SERAC1: variants seen among roughly 807,000 people sequenced by gnomAD.
SERAC1 encodes the protein protein SERAC1.
Under a neutral mutation model 85.7 loss-of-function variants are expected in SERAC1, and 36 were observed. The ratio of observed to expected loss-of-function variants is 0.42; its 90% CI spans 0.32 to 0.55. The LOEUF (loss-of-function observed/expected upper bound fraction) is 0.55. Among genes scored for constraint, SERAC1 ranks in the 20% least tolerant of loss-of-function variants. The pLI is 0.11. For missense variants in SERAC1, 629 were observed against 796.2 expected, an observed-to-expected ratio of 0.79 and a Z score of 2.53; for synonymous variants, 242 against 265.3, an observed-to-expected ratio of 0.91 and a Z score of 0.85.
intron 1 of SERAC1, among the ~76,000 whole-genome samples, chr6:158,165,495 C>T (rs1785578604): frequency 6.6e-6 from 1 of 152,126 alleles, no homozygotes; most frequent in Non-Finnish European, 1.5e-5. Flanking sequence ...CAGAGTACCT[C>T]TAGCTACGAT....
chr6:158,114,686 AAT>A, intron 15 of SERAC1, 101 bp downstream of exon 15: 1 of 452,946 alleles, frequency 2.2e-6, no homozygotes, highest in Non-Finnish European at 3.0e-6. Flanking sequence ...ATTATATACA[AAT>A]TATAAAATGA....
intron 15 of SERAC1, 132 bp from the exon 16 acceptor site, chr6:158,113,724 T>A: frequency 1.3e-6 from 1 of 796,506 alleles, no homozygotes; most frequent in Non-Finnish European, 1.9e-6. Flanking sequence ...ACATGTTTAT[T>A]TTCTCCCCTG....
chr6:158,124,437 ACAC>A (rs1784489505), intron 10 of SERAC1, among the ~76,000 whole-genome samples: 1 of 152,180 alleles, frequency 6.6e-6, no homozygotes, highest in Admixed American at 6.5e-5. Context: ...TTGATCAAAA[ACAC>A]CAACCCATCA....
At chr6:158,115,971 T>C (rs1227669982) in intron 14 of SERAC1, among the ~76,000 whole-genome samples, 1 of 152,244 alleles carries the variant, frequency 6.6e-6, no homozygotes, top group Non-Finnish European at 1.5e-5. Context: ...TCTTAGATGA[T>C]TTGTAACAGG....
At chr6:158,131,821 C>A (rs2128416381) in intron 8 of SERAC1, among the ~76,000 whole-genome samples, 1 of 152,238 alleles carries the variant, frequency 6.6e-6, no homozygotes, top group African/African-American at 2.4e-5. Context: ...GACTGAAAAC[C>A]AGCTAATATT....
At chr6:158,142,766 C>T (rs550209964) in intron 8 of SERAC1, among the ~76,000 whole-genome samples, 9 of 152,288 alleles carry the variant, frequency 5.9e-5, no homozygotes, top group East Asian at 3.9e-4. Context: ...TGAGCCACTG[C>T]GCCCGGCCCT....
At chr6:158,144,241 G>A in intron 7 of SERAC1, 58 bp downstream of exon 7, 1 of 1,370,350 alleles carries the variant, frequency 7.3e-7, no homozygotes, top group East Asian at 2.4e-5. Context: ...CCCAAGTGAA[G>A]ATAATATATT....
chr6:158,158,405 C>A (rs1324490486), intron 1 of SERAC1, 41 bp from the exon 2 acceptor site: 1 of 1,476,574 alleles, frequency 6.8e-7, no homozygotes, highest in African/African-American at 1.4e-5. Flanking sequence ...AATTTAGCAT[C>A]TAAATCAAAA....
At chr6:158,156,596 T>C (rs1050783018) in intron 2 of SERAC1, among the ~76,000 whole-genome samples, 8 of 151,566 alleles carry the variant, frequency 5.3e-5, no homozygotes, top group Non-Finnish European at 8.8e-5. Context: ...CCTTGGCTTA[T>C]TATTATGTAA....
At position 158,117,484 on chromosome 6, in the gene SERAC1, G is replaced by A. The variant is rs1427548671; in HGVS notation, c.1403+243C>T. 3 of 1,544,864 alleles carry A rather than the reference G, an allele frequency of 1.9e-6. No individual in the cohort carries two copies. In the African/African-American group the frequency reaches 4.1e-5, roughly 21 times the overall value. On this transcript the variant is annotated intron_variant, in intron 13 of 16. Coordinates refer to ENST00000647468, the MANE Select transcript of SERAC1 (RefSeq NM_032861.4). The surrounding 1 kb of genome is among the most constrained non-coding windows in gnomAD (Gnocchi z 4.3). ...GACAATCCACGATCCTTCACTATTAGAACAGTTGTAAATAAACCATGTTAG... is the reference window on the plus strand; with the variant it reads ...GACAATCCACGATCCTTCACTATTAAAACAGTTGTAAATAAACCATGTTAG...
rs192193948 is a variant in SERAC1, at chr6:158,161,563, T to G, written c.-1-3199A>C. ...AAATAATAGCAAAGAAGTTTAAGAATGTGCTCTGTAGGACCACACTGCCTG... is the reference window on the plus strand; with the variant it reads ...AAATAATAGCAAAGAAGTTTAAGAAGGTGCTCTGTAGGACCACACTGCCTG... On this transcript the variant is annotated intron_variant, in intron 1 of 16. Coordinates refer to ENST00000647468, the MANE Select transcript of SERAC1 (RefSeq NM_032861.4). 9 of 152,186 alleles carry G rather than the reference T, an allele frequency of 5.9e-5. No homozygotes were observed. In the South Asian group the frequency reaches 1.0e-3, roughly 18 times the overall value. 9.4% of individuals were successfully genotyped at this position (152,186 alleles called of 1,614,324 possible). A position where few individuals can be genotyped will look rare whatever the true frequency, so the allele number is the denominator to read the frequency against.
chr6:158,166,973 C>G (rs1199332584), intron 1 of SERAC1, among the ~76,000 whole-genome samples: 1 of 151,816 alleles, frequency 6.6e-6, no homozygotes, highest in African/African-American at 2.4e-5. Context: ...TCCCAAGCGT[C>G]TAGAATAATA....
intron 1 of SERAC1, among the ~76,000 whole-genome samples, chr6:158,163,892 ATAC>A (rs1785540549): frequency 6.6e-6 from 1 of 151,804 alleles, no homozygotes; most frequent in Non-Finnish European, 1.5e-5. Flanking sequence ...GCCCACCACC[ATAC>A]CTGGCTAATT....
At position 158,113,566 on chromosome 6, in the gene SERAC1, C is replaced by G. The variant is rs1274169488; in HGVS notation, c.1711G>C (p.Asp571His). ...KDSPALKTLQ[D>H]DFLEFAKDKN... ...TCTTTAGCAAACTCCAGAAAGTCAT[C>G]TTGTAGTGTTTTAAGTGCAGGAGAA... The change falls in exon 16 of 17, where the codon GAT (aspartate) becomes CAT (histidine). Residue 571 changes from aspartate to histidine, a missense_variant. Coordinates refer to ENST00000647468, the MANE Select transcript of SERAC1 (RefSeq NM_032861.4). 6.2e-7 allele frequency: 1 copy of G among 1,613,784 alleles called. No individual in the cohort carries two copies. The highest frequency in any genetic ancestry group is 8.5e-7 in the Non-Finnish European group (1 of 1,179,834).
chr6:158,124,350 G>A (rs2128413669), intron 10 of SERAC1, among the ~76,000 whole-genome samples: 1 of 152,060 alleles, frequency 6.6e-6, no homozygotes, highest in East Asian at 1.9e-4. Flanking sequence ...CATAACAGAA[G>A]TTCCAGAAAA....
chr6:158,132,823 AT>A (rs1784709029), intron 8 of SERAC1, among the ~76,000 whole-genome samples: 2 of 152,238 alleles, frequency 1.3e-5, no homozygotes, highest in African/African-American at 4.8e-5. Context: ...CTAAACCCTA[AT>A]GTAAAAATAA....
chr6:158,135,770 G>C (rs1484993392), intron 8 of SERAC1, among the ~76,000 whole-genome samples: 1 of 152,148 alleles, frequency 6.6e-6, no homozygotes. Context: ...GAAAGTAAAA[G>C]GGAGGGATGA....
chr6:158,113,365 C>A, intron 16 of SERAC1, 84 bp downstream of exon 16: 3 of 1,089,676 alleles, frequency 2.8e-6, no homozygotes, highest in South Asian at 1.5e-5. Context: ...AACTGAGAAC[C>A]TGGATATAAA....
intron 6 of SERAC1, among the ~76,000 whole-genome samples, chr6:158,144,764 CAT>C (rs1261481050): frequency 6.6e-6 from 1 of 152,178 alleles, no homozygotes; most frequent in African/African-American, 2.4e-5. Context: ...ACTCAAAACA[CAT>C]GAGGTGGCAT....
Sources: gnomAD v4.1 joint callset for allele counts (sites outside exome capture counted in the v4.1 genomes callset) on GRCh38, gnomAD v4.1.1 for gene constraint, Gnocchi (gnomAD v3.1) non-coding constraint, MANE v1.5 for transcripts, NCBI Gene and HGNC (gene_info 2026-07-23, HGNC 2026-07-21) for gene names.